Variants in RBPMS observed in about 807,000 individuals in gnomAD.
The protein encoded by RBPMS is RNA-binding protein with multiple splicing.
A neutral mutation model predicts 26.8 loss-of-function variants in RBPMS; 7 were observed. The observed-to-expected ratio is 0.26, with a 90% CI of 0.15 to 0.49. The LOEUF (loss-of-function observed/expected upper bound fraction) is 0.49, where lower values mean the gene tolerates loss of function less well. Ranked by LOEUF, RBPMS falls within the 20% of genes least tolerant of loss-of-function variation. RBPMS has a pLI of 0.98. For synonymous variants in RBPMS, 96 were observed against 93.3 expected (o/e 1.03, Z -0.17); for missense variants, 186 against 250.0 (o/e 0.74, Z 1.73).
intron 4 of RBPMS, among the ~76,000 whole-genome samples, chr8:30,488,712 T>C (rs1339620074): frequency 1.3e-5 from 2 of 152,180 alleles, no homozygotes; most frequent in Admixed American, 6.5e-5. Flanking sequence ...AAATAAAAAA[T>C]TTTAATACAC....
intron 7 of RBPMS, among the ~76,000 whole-genome samples, chr8:30,561,731 GAGA>G (rs1206147543): frequency 6.6e-6 from 1 of 152,200 alleles, no homozygotes; most frequent in East Asian, 1.9e-4. Flanking sequence ...AGCATGGTGA[GAGA>G]AGACCTTCAA....
At chr8:30,482,518 T>G (rs1006704269) in intron 4 of RBPMS, among the ~76,000 whole-genome samples, 5 of 152,230 alleles carry the variant, frequency 3.3e-5, no homozygotes, top group African/African-American at 1.2e-4. Context: ...AAATCTATTT[T>G]CTCATTTTTG....
chr8:30,446,800 T>TGTGTGCGTGC (rs1263896636), intron 1 of RBPMS: 2 of 46,742 alleles, frequency 4.3e-5, no homozygotes, highest in African/African-American at 2.1e-4. Context: ...ATGGCTTGTG[T>TGTGTGCGTGC]GTGTGTGTGT....
intron 5 of RBPMS, among the ~76,000 whole-genome samples, chr8:30,516,427 C>G (rs1191131782): frequency 6.6e-6 from 1 of 152,136 alleles, no homozygotes; most frequent in Admixed American, 6.5e-5. Flanking sequence ...GTGTCAGCCT[C>G]TCCTTTAAAA....
At chr8:30,543,218 C>G (rs550778366) in intron 5 of RBPMS, among the ~76,000 whole-genome samples, 2 of 152,196 alleles carry the variant, frequency 1.3e-5, no homozygotes, top group African/African-American at 4.8e-5. Context: ...GAGAGAAGCT[C>G]GTGCCATGCA....
intron 1 of RBPMS, among the ~76,000 whole-genome samples, chr8:30,452,701 T>C (rs1814732045): frequency 6.6e-6 from 1 of 152,134 alleles, no homozygotes; most frequent in Non-Finnish European, 1.5e-5. Flanking sequence ...AATTGCTGAG[T>C]TGCTGATAGT....
intron 1 of RBPMS, chr8:30,385,388 T>A (rs1167144294): frequency 7.7e-6 from 3 of 388,818 alleles, no homozygotes; most frequent in Non-Finnish European, 1.4e-5. Context: ...TTCGGAGACT[T>A]TTGTAAGTAT....
At chr8:30,439,208 AAAT>A (rs1476602601) in intron 1 of RBPMS, among the ~76,000 whole-genome samples, 1 of 152,206 alleles carries the variant, frequency 6.6e-6, no homozygotes, top group Non-Finnish European at 1.5e-5. Flanking sequence ...TATGCTCAGG[AAAT>A]AATGTTTGGA....
At position 30,394,035 on chromosome 8, in the gene RBPMS, C is replaced by T. The variant is rs139942159; in HGVS notation, c.66+8877C>T. 2.4e-3 allele frequency among the ~76,000 whole-genome samples: 129 copies of T among 54,236 alleles called. 1 individual carries two copies. Among genetic ancestry groups the T allele is most frequent in the African/African-American group, 8.9e-3 (117 of 13,146 alleles). The allele number at this position is 54,236 out of a possible 152,430, so 35.6% of individuals were successfully genotyped here. A position where few individuals can be genotyped will look rare whatever the true frequency, so the allele number is the denominator to read the frequency against. On this transcript the variant is annotated intron_variant, in intron 1 of 8. Transcript: ENST00000397323. ...TGGCAGTGATAAATGCCAGTCACAC[C>T]GAGAAGATGGATTCACATTCCAGGT...
At chr8:30,446,301 G>A (rs927014468) in intron 1 of RBPMS, among the ~76,000 whole-genome samples, 1 of 152,124 alleles carries the variant, frequency 6.6e-6, no homozygotes, top group Non-Finnish European at 1.5e-5. Flanking sequence ...CGTAAATCTT[G>A]TATTTTATTG....
intron 6 of RBPMS, chr8:30,547,160 AT>A (rs1212345168): frequency 1.5e-6 from 1 of 680,112 alleles, no homozygotes; most frequent in African/African-American, 1.8e-5. Flanking sequence ...TCTACGGGGC[AT>A]CTCCCCATAT....
Position 30,385,041 on chromosome 8 carries a change from G to C in RBPMS, c.-52G>C, listed in dbSNP as rs1806843674. 7.0e-7 allele frequency: 1 copy of C among 1,429,900 alleles called. No individual in the cohort carries two copies. The highest frequency in any genetic ancestry group is 9.3e-7 in the Non-Finnish European group (1 of 1,073,350). 88.6% of individuals were successfully genotyped at this position (1,429,900 alleles called of 1,614,324 possible). On this transcript the variant is annotated 5_prime_UTR_variant, in exon 1 of 9. Transcript: ENST00000397323. ...GGCTCCAGTGGGCTAGCGCGCCCTC[G>C]CCCAGCCCCGCGCCCCAGCCCTGCC...
intron 6 of RBPMS, among the ~76,000 whole-genome samples, chr8:30,547,851 G>T (rs867589625): frequency 6.6e-6 from 1 of 152,200 alleles, no homozygotes; most frequent in Admixed American, 6.5e-5. Context: ...TGCCCACCGG[G>T]ATCCACAGGA....
At chr8:30,561,114 T>C (rs1276883731) in intron 7 of RBPMS, among the ~76,000 whole-genome samples, 1 of 152,210 alleles carries the variant, frequency 6.6e-6, no homozygotes, top group Admixed American at 6.5e-5. Flanking sequence ...TAAAATGTTC[T>C]TTTAAAATGT....
intron 6 of RBPMS, chr8:30,553,484 CAG>C (rs1415470167): frequency 1.3e-5 from 2 of 152,246 alleles, no homozygotes; most frequent in African/African-American, 4.8e-5. Flanking sequence ...CAGTCTCTGA[CAG>C]AGCTTGCTGT....
chr8:30,558,604 T>G (rs1163909808), intron 6 of RBPMS: 7 of 530,680 alleles, frequency 1.3e-5, no homozygotes, highest in Non-Finnish European at 2.1e-5. Context: ...CTGCTAACCT[T>G]TAAAAGGAGG....
intron 8 of RBPMS, among the ~76,000 whole-genome samples, chr8:30,569,262 G>A (rs1402895559): frequency 6.6e-6 from 1 of 152,230 alleles, no homozygotes. Flanking sequence ...TACAGTCTAA[G>A]TGTCTGAATG....
intron 5 of RBPMS, among the ~76,000 whole-genome samples, chr8:30,507,933 A>G (rs1204903341): frequency 3.3e-5 from 5 of 152,206 alleles, no homozygotes; most frequent in African/African-American, 4.8e-5. Context: ...GGCCTGGGAA[A>G]GTCTAGTAAC....
rs1826304501 is a variant in RBPMS at position 30,550,883 on chromosome 8, A to G, written c.528+6259A>G. Among the ~76,000 whole-genome samples the G allele has an allele frequency of 5.9e-5, 9 of 152,294 alleles. No individual in the cohort carries two copies. The South Asian group carries it at 1.9e-3, about 32-fold the overall frequency. ...GGCCCTTGCCCTCACGAGTTACTTT[A>G]CACAAACCCGCTGTCCCTGACCTTT... On this transcript the variant is annotated intron_variant, in intron 6 of 8. Coordinates refer to ENST00000397323, the MANE Select transcript of RBPMS (RefSeq NM_001008710.3).
Sources: allele counts gnomAD v4.1 joint callset (sites outside exome capture counted in the v4.1 genomes callset), GRCh38; gene constraint gnomAD v4.1.1; transcripts MANE v1.5; gene names NCBI Gene and HGNC (gene_info 2026-07-23, HGNC 2026-07-21).